Variants in ZNF69 observed in about 807,000 individuals in gnomAD.
ZNF69 encodes the protein zinc finger protein 69.
ZNF69 carries 47 observed loss-of-function variants against 50.9 expected under a neutral mutation model. The observed-to-expected ratio is 0.92, with a 90% CI of 0.73 to 1.18. ZNF69 has a LOEUF of 1.18. ZNF69 is among the 50% of genes most tolerant of loss of function. The pLI, the probability that ZNF69 is intolerant of heterozygous loss-of-function variation, is 0.00. For missense variants in ZNF69, 717 were observed against 675.1 expected (o/e 1.06, Z -0.69); for synonymous variants, 216 against 223.1 (o/e 0.97, Z 0.29).
the ZNF69 span, chr19:11,946,858 C>T: frequency 1.1e-4 from 28 of 261,936 alleles, no homozygotes; most frequent in African/African-American, 1.4e-4. Context: ...AGGTCACTCA[C>T]GCGTGGTGGT....
At chr19:11,892,619 T>A (rs191699563) in intron 1 of ZNF69, among the ~76,000 whole-genome samples, 193 of 150,352 alleles carry the variant, frequency 1.3e-3, no homozygotes, top group Non-Finnish European at 2.0e-3. Context: ...ATTAAATAAA[T>A]AAAAAAAAAG....
chr19:11,941,647 G>A, the ZNF69 span, among the ~76,000 whole-genome samples: 13 of 152,230 alleles, frequency 8.5e-5, no homozygotes, highest in Middle Eastern at 3.4e-3. Flanking sequence ...CAAGCGCCGC[G>A]CGCAGCCCCA....
the ZNF69 span, among the ~76,000 whole-genome samples, chr19:11,964,389 ATG>A: frequency 6.6e-6 from 1 of 152,208 alleles, no homozygotes; most frequent in East Asian, 1.9e-4. Context: ...TATAAAGAGA[ATG>A]TGTGAATATC....
At chr19:11,954,195 G>A in the ZNF69 span, among the ~76,000 whole-genome samples, 14,390 of 152,100 alleles carry the variant, frequency 0.095, 1,277 homozygotes, top group African/African-American at 0.24. Flanking sequence ...CCATTCCAGG[G>A]TAGGAAAGAA....
At chr19:11,958,949 C>T in the ZNF69 span, among the ~76,000 whole-genome samples, 3 of 152,212 alleles carry the variant, frequency 2.0e-5, no homozygotes, top group African/African-American at 7.2e-5. Context: ...GTGGCGTGAT[C>T]TCGGCTCACT....
chr19:11,897,549 T>C lies in ZNF69; in HGVS notation c.64-6024T>C, dbSNP rs576088854. Among the ~76,000 whole-genome samples the C allele has an allele frequency of 4.3e-3, 619 of 145,626 alleles. 4 individuals are homozygous for C. Among genetic ancestry groups the C allele is most frequent in the African/African-American group, 0.014 (563 of 39,032 alleles). ...ATGATTGCACCGCTACACTCCAGCCTGGGCAACAGAATGAGACCCTGTTTG... is the reference window on the plus strand; with the variant it reads ...ATGATTGCACCGCTACACTCCAGCCCGGGCAACAGAATGAGACCCTGTTTG... On this transcript the variant is annotated intron_variant, in intron 1 of 3. Transcript: ENST00000429654.
At chr19:11,979,999 GA>G in the ZNF69 span, 239 of 1,151,556 alleles carry the variant, frequency 2.1e-4, no homozygotes, top group Non-Finnish European at 2.8e-4. Context: ...AGCAATGTGG[GA>G]AAGCCTTTAT....
At chr19:11,978,701 G>A in the ZNF69 span, 3 of 1,614,104 alleles carry the variant, frequency 1.9e-6, no homozygotes, top group Non-Finnish European at 2.5e-6. Context: ...ATGAATGTCA[G>A]CAATGTGGGA....
At chr19:11,967,413 GT>G in the ZNF69 span, among the ~76,000 whole-genome samples, 3 of 150,224 alleles carry the variant, frequency 2.0e-5, no homozygotes, top group African/African-American at 4.9e-5. Context: ...TCTCTATTTT[GT>G]TTTTTTTTGA....
the ZNF69 span, chr19:11,948,849 G>A: frequency 1.1e-5 from 17 of 1,607,084 alleles, no homozygotes; most frequent in Non-Finnish European, 2.5e-6. Flanking sequence ...ACACTGGGGA[G>A]AAGCCCTATG....
chr19:11,968,288 C>G, the ZNF69 span, among the ~76,000 whole-genome samples: 1 of 152,044 alleles, frequency 6.6e-6, no homozygotes, highest in African/African-American at 2.4e-5. Flanking sequence ...ATGTCTAGCT[C>G]TGTGGCCCAG....
At position 11,887,934 on chromosome 19, in the gene ZNF69, G is replaced by A. The variant is rs1477283949; in HGVS notation, c.11G>A (p.Cys4Tyr). 2 of 1,612,048 alleles carry A rather than the reference G, an allele frequency of 1.2e-6. No homozygotes were observed. The highest frequency in any genetic ancestry group is 1.3e-5 in the African/African-American group (1 of 74,976). The stretch of plus-strand genomic sequence containing the variant: ...TCTGTCACCTACGCTATGCCCTGCT[G>A]TAGTCACAGGAGGTGTAGAGAGGAC... MPCCSHRRCREDPG... is the reference protein window; with the variant it reads MPCYSHRRCREDPG... The change falls in exon 1 of 4, where the codon TGT (cysteine) becomes TAT (tyrosine). Residue 4 changes from cysteine (C) to tyrosine (Y), a missense_variant. By Grantham distance (194) the Cys-to-Tyr change is radical (BLOSUM62 -2). Transcript: ENST00000429654.
At chr19:11,912,555 T>G (rs1972472537) in intron 4 of ZNF69, among the ~76,000 whole-genome samples, 1 of 152,166 alleles carries the variant, frequency 6.6e-6, no homozygotes, top group Non-Finnish European at 1.5e-5. Flanking sequence ...GCGAAAGCCT[T>G]TATTTCTTCC....
the ZNF69 span, among the ~76,000 whole-genome samples, chr19:11,951,391 G>T: frequency 6.6e-5 from 10 of 151,616 alleles, no homozygotes; most frequent in East Asian, 1.6e-3. Context: ...ACCTCACCCA[G>T]CTAGTATTCG....
At chr19:11,890,506 AAAG>A (rs1388888420) in intron 1 of ZNF69, among the ~76,000 whole-genome samples, 2 of 152,198 alleles carry the variant, frequency 1.3e-5, no homozygotes, top group African/African-American at 4.8e-5. Context: ...ACAGCATCTC[AAAG>A]AAGAACAATT....
At position 11,903,873 on chromosome 19, in the gene ZNF69, C is replaced by T. The variant is rs373647415; in HGVS notation, c.191-32C>T. 6.8e-6 allele frequency: 11 copies of T among 1,611,604 alleles called. No individual in the cohort carries two copies. The African/African-American group carries it at 1.3e-4, about 20-fold the overall frequency. On this transcript the variant is annotated intron_variant, in intron 2 of 3. Transcript: ENST00000429654. Reference sequence around the variant, plus strand: ...TAATTTTTTCACAATTTTATACTGCCTCAGGACTATTTTTCTGTGTCTATA... The same window carrying T: ...TAATTTTTTCACAATTTTATACTGCTTCAGGACTATTTTTCTGTGTCTATA...
At chr19:11,904,532 A>G in intron 3 of ZNF69, 117 bp from the exon 4 acceptor site, 1 of 1,386,546 alleles carries the variant, frequency 7.2e-7, no homozygotes, top group Non-Finnish European at 9.7e-7. Context: ...CAATTCAGAC[A>G]GGGCAGAAAG....
chr19:11,888,680 G>A (rs1454577339), intron 1 of ZNF69, among the ~76,000 whole-genome samples: 2 of 152,092 alleles, frequency 1.3e-5, no homozygotes, highest in East Asian at 3.9e-4. Flanking sequence ...AGAAAGGGAG[G>A]GACCTGGCCG....
chr19:11,923,470 G>C, the ZNF69 span, among the ~76,000 whole-genome samples: 2 of 152,122 alleles, frequency 1.3e-5, no homozygotes, highest in African/African-American at 4.8e-5. Context: ...CCCCATCTCT[G>C]CTCTCCCGGG....
Sources: allele counts gnomAD v4.1 joint callset (sites outside exome capture counted in the v4.1 genomes callset), GRCh38; gene constraint gnomAD v4.1.1; transcripts MANE v1.5; gene names NCBI Gene and HGNC (gene_info 2026-07-23, HGNC 2026-07-21).